DIP2C: variants seen among roughly 807,000 people sequenced by gnomAD.
The protein encoded by DIP2C is DIP2 acetate--CoA ligase C (putative), also known as disco-interacting protein 2 homolog C.
DIP2C carries 33 observed loss-of-function variants against 192.4 expected under a neutral mutation model. That is an observed-to-expected ratio of 0.17 (90% CI 0.13 to 0.23). DIP2C has a LOEUF of 0.23. Ranked by LOEUF, DIP2C falls within the 10% of genes least tolerant of loss-of-function variation. The pLI is 1.00. For missense variants in DIP2C, 1,537 were observed against 2,110.1 expected (o/e 0.73, Z 5.32); for synonymous variants, 979 against 864.1 (o/e 1.13, Z -2.33).
chr10:311,173 C>G (rs1956549780), intron 31 of DIP2C, among the ~76,000 whole-genome samples: 1 of 152,158 alleles, frequency 6.6e-6, no homozygotes, highest in East Asian at 1.9e-4. Context: ...CCCCCGGCTG[C>G]TCAGCAAAGC....
intron 1 of DIP2C, among the ~76,000 whole-genome samples, chr10:536,697 G>T (rs923893939): frequency 2.6e-5 from 4 of 152,232 alleles, no homozygotes; most frequent in Non-Finnish European, 4.4e-5. Flanking sequence ...ATCCTGAGAG[G>T]TGCTAAGACA....
rs1194853822 is a variant in DIP2C, at chr10:363,010, G to A, written c.2592+187C>T. 6.6e-6 allele frequency among the ~76,000 whole-genome samples: 1 copy of A among 152,002 alleles called. No homozygotes were observed. The highest frequency in any genetic ancestry group is 2.4e-5 in the African/African-American group (1 of 41,374). On this transcript the variant is annotated intron_variant, in intron 21 of 36. Transcript: ENST00000280886. This position sits in a 1 kb window ranked among gnomAD's most constrained non-coding sequence, Gnocchi z 5.4. ...GTAGGAACCAGCTGTGCAAATTCCT[G>A]GTCCCTACACCCTCGATCTGCTGAG... is the stretch of plus-strand genomic sequence containing the variant.
chr10:355,893 A>AT (rs1959057907), intron 24 of DIP2C, among the ~76,000 whole-genome samples: 1 of 152,216 alleles, frequency 6.6e-6, no homozygotes, highest in South Asian at 2.1e-4. Flanking sequence ...CCTCGCCAAC[A>AT]TGGTGAAACC....
At chr10:445,192 T>C (rs1191646368) in intron 3 of DIP2C, among the ~76,000 whole-genome samples, 1 of 152,220 alleles carries the variant, frequency 6.6e-6, no homozygotes. Flanking sequence ...TATACATCTG[T>C]TGTGAAGAGT....
intron 10 of DIP2C, among the ~76,000 whole-genome samples, chr10:397,674 G>A (rs1045997893): frequency 6.6e-5 from 10 of 152,246 alleles, no homozygotes; most frequent in African/African-American, 2.4e-4. Flanking sequence ...GAGCAGCAGC[G>A]TGACCTGCAC....
At chr10:550,276 CT>C (rs1848516905) in intron 1 of DIP2C, among the ~76,000 whole-genome samples, 1 of 151,734 alleles carries the variant, frequency 6.6e-6, no homozygotes, top group Non-Finnish European at 1.5e-5. Flanking sequence ...TCCCAAACTG[CT>C]GGGAATACAG....
chr10:647,562 G>A (rs1175952354), intron 1 of DIP2C, among the ~76,000 whole-genome samples: 1 of 149,728 alleles, frequency 6.7e-6, no homozygotes, highest in African/African-American at 2.5e-5. Flanking sequence ...GGGAAACTGA[G>A]TCCACGTCCA....
intron 8 of DIP2C, among the ~76,000 whole-genome samples, chr10:411,142 A>C (rs910813526): frequency 1.3e-5 from 2 of 152,250 alleles, no homozygotes; most frequent in African/African-American, 2.4e-5. Context: ...GCGTGCTGCT[A>C]GCTCAAGCAT....
chr10:423,034 CTGTG>C lies in DIP2C; in HGVS notation c.395-5_395-2del. The stretch of plus-strand genomic sequence containing the variant: ...TCATCTTCTGAGCCAGAAGAGGTAT[CTGTG>C]TAAGAAGAAAGGTGATTTGCTGTAT... On this transcript the variant is annotated splice_acceptor_variant and splice_polypyrimidine_tract_variant and intron_variant, in intron 4 of 36. Coordinates refer to ENST00000280886, the MANE Select transcript of DIP2C (RefSeq NM_014974.3). LOFTEE classifies it high-confidence loss of function. The C allele has an allele frequency of 6.2e-7, 1 of 1,603,920 alleles. No individual in the cohort carries two copies. Among genetic ancestry groups the C allele is most frequent in the Non-Finnish European group, 8.5e-7 (1 of 1,173,764 alleles).
At chr10:352,865 T>C (rs1958890330) in intron 24 of DIP2C, among the ~76,000 whole-genome samples, 1 of 152,058 alleles carries the variant, frequency 6.6e-6, no homozygotes, top group South Asian at 2.1e-4. Context: ...TCAGCCTTGC[T>C]CCCCAGGAAT....
chr10:496,627 A>T (rs1844856621), intron 1 of DIP2C, among the ~76,000 whole-genome samples: 1 of 143,398 alleles, frequency 7.0e-6, no homozygotes, highest in African/African-American at 2.6e-5. Flanking sequence ...CCCAAACAAC[A>T]TGAGTGCTGA....
chr10:480,493 G>A (rs188530472), intron 2 of DIP2C, among the ~76,000 whole-genome samples: 35 of 152,338 alleles, frequency 2.3e-4, no homozygotes, highest in African/African-American at 6.5e-4. Flanking sequence ...CTACCAGCCC[G>A]AGCTCCAGTC....
At chr10:538,140 C>T (rs1298410265) in intron 1 of DIP2C, among the ~76,000 whole-genome samples, 1 of 152,144 alleles carries the variant, frequency 6.6e-6, no homozygotes, top group East Asian at 1.9e-4. Flanking sequence ...TCTGTATCCT[C>T]TGTGGATAAC....
chr10:286,067 G>T (rs527961811), intron 34 of DIP2C, among the ~76,000 whole-genome samples: 12 of 152,306 alleles, frequency 7.9e-5, no homozygotes, highest in Admixed American at 3.9e-4. Context: ...CTTCCCTAAG[G>T]AAGTGCCATT....
chr10:636,684 G>A lies in DIP2C; in HGVS notation c.85+52810C>T, dbSNP rs373126229. The stretch of plus-strand genomic sequence containing the variant: ...CGAGTGACTCTCCTTCCCCATCTTC[G>A]TCAGGGACAGCCTCACACCCTTTAT... On this transcript the variant is annotated intron_variant, in intron 1 of 36. Transcript: ENST00000280886. This position sits in a 1 kb window ranked among gnomAD's most constrained non-coding sequence, Gnocchi z 4.6. Among the ~76,000 whole-genome samples the A allele has an allele frequency of 1.5e-3, 228 of 152,264 alleles. No homozygotes were observed. Among genetic ancestry groups the A allele is most frequent in the South Asian group, 3.7e-3 (18 of 4,828 alleles).
chr10:625,720 C>T (rs1395002940), intron 1 of DIP2C, among the ~76,000 whole-genome samples: 2 of 152,348 alleles, frequency 1.3e-5, no homozygotes, highest in East Asian at 3.9e-4. Flanking sequence ...AATGCAAAGG[C>T]CGCCCTGGAA....
In DIP2C at chr10:652,526, G is replaced by A. The variant is rs147907549; in HGVS notation, c.85+36968C>T. The A allele has an allele frequency of 5.7e-4, 88 of 154,488 alleles. 1 individual carries two copies. In the East Asian group the frequency reaches 0.011, roughly 20 times the overall value. 9.6% of individuals were successfully genotyped at this position (154,488 alleles called of 1,614,324 possible). A position where few individuals can be genotyped will look rare whatever the true frequency, so the allele number is the denominator to read the frequency against. On this transcript the variant is annotated intron_variant, in intron 1 of 36. Transcript: ENST00000280886. This position sits in a 1 kb window ranked among gnomAD's most constrained non-coding sequence, Gnocchi z 4.5. ...CAGCCTCAGGCCACCTGTCTCATCC[G>A]TGACCGAGAAACGGAGCTGCAGTGG...
At chr10:324,083 C>A (rs1957154662) in intron 31 of DIP2C, among the ~76,000 whole-genome samples, 1 of 152,126 alleles carries the variant, frequency 6.6e-6, no homozygotes, top group African/African-American at 2.4e-5. Flanking sequence ...CCTGACTGCC[C>A]TCCCCCAGAA....
At chr10:317,649 G>A (rs890526941) in intron 31 of DIP2C, among the ~76,000 whole-genome samples, 5 of 152,192 alleles carry the variant, frequency 3.3e-5, no homozygotes, top group African/African-American at 9.7e-5. Flanking sequence ...AAAGCCAGGC[G>A]AACACTTGAA....
Sources: allele counts gnomAD v4.1 joint callset (sites outside exome capture counted in the v4.1 genomes callset), GRCh38; gene constraint gnomAD v4.1.1; non-coding constraint Gnocchi (gnomAD v3.1); transcripts MANE v1.5; gene names NCBI Gene and HGNC (gene_info 2026-07-23, HGNC 2026-07-21).